DOCK1: variants seen among roughly 807,000 people sequenced by gnomAD.
DOCK1 encodes dedicator of cytokinesis protein 1.
In DOCK1, 138 loss-of-function variants were observed where a neutral mutation model predicts 262.7. That is an observed-to-expected ratio of 0.53 (90% CI 0.46 to 0.61). The LOEUF is 0.61. DOCK1 is among the 20% of genes least tolerant of loss of function. DOCK1 has a pLI of 0.00. For missense variants in DOCK1, 1,908 were observed against 2,370.7 expected (o/e 0.80, Z 4.05); for synonymous variants, 866 against 867.4 (o/e 1.00, Z 0.03).
At chr10:127,361,619 AG>A (rs1565025059) in intron 32 of DOCK1, among the ~76,000 whole-genome samples, 1 of 152,178 alleles carries the variant, frequency 6.6e-6, no homozygotes, top group African/African-American at 2.4e-5. Context: ...GGAGATAAAG[AG>A]GACTCAAGAG....
chr10:127,237,285 G>A (rs145165631), intron 27 of DOCK1, among the ~76,000 whole-genome samples: 4,109 of 150,820 alleles, frequency 0.027, 165 homozygotes, highest in African/African-American at 0.09. Context: ...ACTTGAACTC[G>A]GGAGGCAGAG....
At chr10:127,036,685 T>TATCTTGGGCCAGGCATGGTGGCTC (rs2043640463) in intron 18 of DOCK1, among the ~76,000 whole-genome samples, 1 of 152,056 alleles carries the variant, frequency 6.6e-6, no homozygotes, top group Non-Finnish European at 1.5e-5. Context: ...CCTTAAAGAA[T>TATCTTGGGCCAGGCATGGTGGCTC]ATCTTGGGCC....
At position 127,035,425 on chromosome 10, in the gene DOCK1, G is replaced by C. The variant is rs796420280; in HGVS notation, c.1913-2294G>C. 3.9e-4 allele frequency among the ~76,000 whole-genome samples: 59 copies of C among 152,268 alleles called. 2 individuals are homozygous for C. The highest frequency in any genetic ancestry group is 1.3e-3 in the African/African-American group (56 of 41,566). On this transcript the variant is annotated intron_variant, in intron 18 of 51. Transcript: ENST00000623213. ...CTGTGAGTCCCGGTAATAAGGGCCT[G>C]GGGTGGGACTCATCTGCCTTGGGCA...
chr10:127,393,769 T>A (rs149107636), intron 38 of DOCK1, among the ~76,000 whole-genome samples: 184 of 152,322 alleles, frequency 1.2e-3, no homozygotes, highest in African/African-American at 4.2e-3. Flanking sequence ...TTTCCACCGT[T>A]TTTTAAAGTT....
intron 22 of DOCK1, among the ~76,000 whole-genome samples, chr10:127,053,476 T>A (rs1353694949): frequency 1.3e-5 from 2 of 152,380 alleles, no homozygotes; most frequent in East Asian, 3.9e-4. Flanking sequence ...GAACTCTTCC[T>A]ACATAGGGTA....
rs79804213 is a variant in DOCK1 at position 127,099,158 on chromosome 10, G to A, written c.2446-7073G>A. On this transcript the variant is annotated intron_variant, in intron 23 of 51. Transcript: ENST00000623213. ...AGTTAAGGAGGTGATTTCTGTGGCT[G>A]AATGCAGAGAGAGGAATGCTTCTTG... Among the ~76,000 whole-genome samples the A allele has an allele frequency of 2.2e-4, 33 of 152,302 alleles. No individual in the cohort carries two copies. In the East Asian group the frequency reaches 6.2e-3, roughly 29 times the overall value.
At chr10:127,075,778 G>A (rs190491011) in intron 23 of DOCK1, among the ~76,000 whole-genome samples, 35 of 152,256 alleles carry the variant, frequency 2.3e-4, no homozygotes, top group African/African-American at 6.7e-4. Context: ...CCACCATGCC[G>A]CTCACCCGAC....
chr10:127,062,897 T>A (rs2135838541), intron 23 of DOCK1, among the ~76,000 whole-genome samples: 1 of 152,324 alleles, frequency 6.6e-6, no homozygotes, highest in African/African-American at 2.4e-5. Context: ...TTCTTCCCTC[T>A]TTTGATGACC....
At chr10:127,184,916 C>T (rs2056087058) in intron 27 of DOCK1, among the ~76,000 whole-genome samples, 1 of 152,326 alleles carries the variant, frequency 6.6e-6, no homozygotes, top group African/African-American at 2.4e-5. Context: ...AGGCACCATA[C>T]TGGATGCTGG....
chr10:127,098,622 G>A (rs2136162726), intron 23 of DOCK1, among the ~76,000 whole-genome samples: 1 of 152,310 alleles, frequency 6.6e-6, no homozygotes, highest in Middle Eastern at 3.4e-3. Flanking sequence ...CATAGCGAGT[G>A]ATGGAGGAGC....
intron 35 of DOCK1, among the ~76,000 whole-genome samples, chr10:127,375,041 G>A (rs113286024): frequency 1.3e-5 from 2 of 152,260 alleles, no homozygotes; most frequent in African/African-American, 4.8e-5. Context: ...CTTGGCTGCT[G>A]CCATCTGTCT....
At chr10:127,412,374 G>A (rs1327009357) in intron 43 of DOCK1, among the ~76,000 whole-genome samples, 10 of 152,028 alleles carry the variant, frequency 6.6e-5, no homozygotes, top group Non-Finnish European at 2.9e-5. Flanking sequence ...GGCTGGTCTT[G>A]AACTCCTGGG....
chr10:127,233,078 G>A (rs2058913461), intron 27 of DOCK1, among the ~76,000 whole-genome samples: 2 of 152,024 alleles, frequency 1.3e-5, no homozygotes, highest in African/African-American at 4.8e-5. Context: ...TTATGTATGA[G>A]GCAAATAACT....
intron 28 of DOCK1, among the ~76,000 whole-genome samples, chr10:127,255,094 G>A (rs2489416): frequency 0.6 from 91,013 of 152,050 alleles, 27,438 homozygotes; most frequent in South Asian, 0.75. Flanking sequence ...AAGACATCCT[G>A]TGAATAGTCA....
intron 29 of DOCK1, among the ~76,000 whole-genome samples, chr10:127,288,665 C>T (rs1198993094): frequency 6.6e-6 from 1 of 151,394 alleles, no homozygotes; most frequent in Non-Finnish European, 1.5e-5. Context: ...TCCCTAATGA[C>T]ACAAACATGA....
intron 10 of DOCK1, among the ~76,000 whole-genome samples, chr10:127,006,645 G>A (rs1165430176): frequency 2.0e-5 from 3 of 152,216 alleles, no homozygotes; most frequent in East Asian, 1.9e-4. Flanking sequence ...CCTTCTCCTC[G>A]AGGCTCAGGA....
intron 50 of DOCK1, among the ~76,000 whole-genome samples, chr10:127,445,806 G>A (rs564987402): frequency 1.3e-5 from 2 of 152,318 alleles, no homozygotes; most frequent in East Asian, 1.9e-4. Context: ...AGAAATGTCC[G>A]TGCAATGGAA....
rs370935607 is a variant in DOCK1 at position 127,283,795 on chromosome 10, T to G, written c.3044+26366T>G. Among the ~76,000 whole-genome samples the G allele has an allele frequency of 4.0e-4, 61 of 152,286 alleles. 2 individuals are homozygous for G. In the East Asian group the frequency reaches 0.01, roughly 26 times the overall value. On this transcript the variant is annotated intron_variant, in intron 29 of 51. Transcript: ENST00000623213. ...AGTACATTGTATCATTTTCATAAATTTAGGTTGCTCTCAAGTTGTATCTGT... is the reference window on the plus strand; with the variant it reads ...AGTACATTGTATCATTTTCATAAATGTAGGTTGCTCTCAAGTTGTATCTGT...
At chr10:126,941,155 C>A (rs1398024693) in intron 1 of DOCK1, among the ~76,000 whole-genome samples, 1 of 152,084 alleles carries the variant, frequency 6.6e-6, no homozygotes, top group African/African-American at 2.4e-5. Flanking sequence ...TGCAGTGTTA[C>A]CAGAGGGCAT....
Sources: gnomAD v4.1 joint callset for allele counts (sites outside exome capture counted in the v4.1 genomes callset) on GRCh38, gnomAD v4.1.1 for gene constraint, MANE v1.5 for transcripts, NCBI Gene and HGNC (gene_info 2026-07-23, HGNC 2026-07-21) for gene names.